Variants in MAML2 observed in about 807,000 individuals in gnomAD.
MAML2 encodes the protein mastermind like transcriptional coactivator 2.
Under a neutral mutation model 96.1 loss-of-function variants are expected in MAML2, and 22 were observed. The ratio of observed to expected loss-of-function variants is 0.23; its 90% confidence interval spans 0.16 to 0.33. The LOEUF is 0.33. Among genes scored for constraint, MAML2 ranks in the 10% least tolerant of loss-of-function variants. The probability of loss-of-function intolerance (pLI) is 1.00; values close to 1 mark genes in which losing one functional copy is unlikely to be tolerated. For missense variants in MAML2, 1,367 were observed against 1,392.4 expected (o/e 0.98, Z 0.29); for synonymous variants, 561 against 521.3 (o/e 1.08, Z -1.04).
intron 1 of MAML2, among the ~76,000 whole-genome samples, chr11:96,303,505 A>T (rs1863418951): frequency 6.6e-6 from 1 of 152,222 alleles, no homozygotes. Flanking sequence ...GAAACCATAT[A>T]CAAAAAACTA....
chr11:96,071,310 C>G (rs11021419), intron 2 of MAML2, among the ~76,000 whole-genome samples: 8,946 of 152,266 alleles, frequency 0.059, 649 homozygotes, highest in African/African-American at 0.17. Flanking sequence ...GCACCTGGAA[C>G]CGTCCTGAAC....
intron 1 of MAML2, among the ~76,000 whole-genome samples, chr11:96,282,323 T>A (rs1214323468): frequency 2.6e-5 from 4 of 152,114 alleles, no homozygotes; most frequent in African/African-American, 9.7e-5. Context: ...GAAGGCATTC[T>A]TCACTGTACA....
intron 2 of MAML2, among the ~76,000 whole-genome samples, chr11:96,055,735 T>A (rs1246228403): frequency 1.3e-5 from 2 of 152,154 alleles, no homozygotes; most frequent in African/African-American, 4.8e-5. Context: ...CGAACATGAT[T>A]TGAACAACCA....
chr11:96,143,790 G>A (rs781508675), intron 1 of MAML2, among the ~76,000 whole-genome samples: 1 of 152,180 alleles, frequency 6.6e-6, no homozygotes, highest in Non-Finnish European at 1.5e-5. Flanking sequence ...ACCTCCAGGA[G>A]CCCCTCTGAA....
chr11:96,118,660 G>A (rs1860285196), intron 1 of MAML2, among the ~76,000 whole-genome samples: 1 of 152,148 alleles, frequency 6.6e-6, no homozygotes, highest in South Asian at 2.1e-4. Flanking sequence ...AAAACAATAT[G>A]GAGAGATGGA....
chr11:96,014,038 C>T (rs1425699357), intron 2 of MAML2, among the ~76,000 whole-genome samples: 1 of 152,130 alleles, frequency 6.6e-6, no homozygotes, highest in Non-Finnish European at 1.5e-5. Context: ...AACATTCACC[C>T]CTAGACATGG....
At chr11:95,994,492 G>A (rs1469665387) in intron 2 of MAML2, among the ~76,000 whole-genome samples, 1 of 152,166 alleles carries the variant, frequency 6.6e-6, no homozygotes, top group Middle Eastern at 3.2e-3. Context: ...GAGGGCAAAA[G>A]GAGGAGGAAA....
intron 1 of MAML2, among the ~76,000 whole-genome samples, chr11:96,121,120 T>A (rs1251044986): frequency 1.3e-5 from 2 of 151,998 alleles, no homozygotes; most frequent in Admixed American, 6.6e-5. Flanking sequence ...CTATTCCAGG[T>A]CACAGGCTCA....
At chr11:96,340,798 T>TA (rs1863981902) in intron 1 of MAML2, among the ~76,000 whole-genome samples, 1 of 152,170 alleles carries the variant, frequency 6.6e-6, no homozygotes, top group African/African-American at 2.4e-5. Context: ...AGTGCCTCCC[T>TA]AGTCTCTCTT....
At chr11:96,149,358 G>C (rs1003583915) in intron 1 of MAML2, among the ~76,000 whole-genome samples, 1 of 146,134 alleles carries the variant, frequency 6.8e-6, no homozygotes, top group Non-Finnish European at 1.5e-5. Flanking sequence ...TGGAGGCTGC[G>C]GTGAGCTGAG....
At chr11:96,290,961 CT>C (rs1863200222) in intron 1 of MAML2, among the ~76,000 whole-genome samples, 1 of 151,844 alleles carries the variant, frequency 6.6e-6, no homozygotes. Context: ...AGGCTTGTCA[CT>C]TTTTGTATGT....
At chr11:96,337,606 C>T (rs1391921563) in intron 1 of MAML2, among the ~76,000 whole-genome samples, 1 of 152,142 alleles carries the variant, frequency 6.6e-6, no homozygotes, top group South Asian at 2.1e-4. Context: ...TTTCCTGGGA[C>T]CTTCAGGAAC....
At chr11:96,117,816 A>C (rs1252152200) in intron 1 of MAML2, among the ~76,000 whole-genome samples, 1 of 152,206 alleles carries the variant, frequency 6.6e-6, no homozygotes, top group African/African-American at 2.4e-5. Flanking sequence ...AGTTATAAGA[A>C]GAAGCCTGGA....
chr11:96,305,514 C>T (rs890354166), intron 1 of MAML2, among the ~76,000 whole-genome samples: 1 of 151,962 alleles, frequency 6.6e-6, no homozygotes, highest in East Asian at 1.9e-4. Context: ...ATACACTGCT[C>T]TAAAAAATAA....
chr11:96,278,244 C>T (rs1044284132), intron 1 of MAML2, among the ~76,000 whole-genome samples: 10 of 152,180 alleles, frequency 6.6e-5, no homozygotes, highest in Middle Eastern at 3.4e-3. Context: ...AAAAAAGGAA[C>T]GCCACTTTAT....
intron 1 of MAML2, among the ~76,000 whole-genome samples, chr11:96,259,288 A>G (rs942552005): frequency 6.6e-6 from 1 of 152,086 alleles, no homozygotes; most frequent in African/African-American, 2.4e-5. Context: ...GCATGTGTTG[A>G]TAGACTATGG....
chr11:96,265,353 T>C (rs1862811441), intron 1 of MAML2, among the ~76,000 whole-genome samples: 1 of 152,180 alleles, frequency 6.6e-6, no homozygotes, highest in African/African-American at 2.4e-5. Flanking sequence ...AGTGAATAAC[T>C]AGAATATGGC....
chr11:96,341,292 G>T, intron 1 of MAML2, 91 bp downstream of exon 1: 1 of 1,390,934 alleles, frequency 7.2e-7, no homozygotes, highest in Non-Finnish European at 9.6e-7. Context: ...CTTTTTCATT[G>T]CCATCCACTC....
At chr11:96,231,192 AT>A (rs957535482) in intron 1 of MAML2, among the ~76,000 whole-genome samples, 2 of 152,156 alleles carry the variant, frequency 1.3e-5, no homozygotes, top group Non-Finnish European at 2.9e-5. Flanking sequence ...CACAGGTAAA[AT>A]TATTTCCTCT....
Sources: allele counts gnomAD v4.1 joint callset (sites outside exome capture counted in the v4.1 genomes callset), GRCh38; gene constraint gnomAD v4.1.1; transcripts MANE v1.5; gene names NCBI Gene and HGNC (gene_info 2026-07-23, HGNC 2026-07-21).